Variants in RANBP2 observed in about 807,000 individuals in gnomAD.
RANBP2 encodes the protein E3 SUMO-protein ligase RanBP2.
A neutral mutation model predicts 303.6 loss-of-function variants in RANBP2; 57 were observed. The observed-to-expected ratio is 0.19, with a 90% CI of 0.15 to 0.23. The LOEUF is 0.23. RANBP2 is among the 10% of genes least tolerant of loss of function. RANBP2 has a pLI of 1.00. For missense variants in RANBP2, 3,138 were observed against 3,780.8 expected (o/e 0.83, Z 4.46); for synonymous variants, 1,167 against 1,301.5 (o/e 0.90, Z 2.23).
At chr2:109,612,300 A>G in the RANBP2 span, among the ~76,000 whole-genome samples, 4 of 152,332 alleles carry the variant, frequency 2.6e-5, no homozygotes, top group Non-Finnish European at 5.9e-5. Flanking sequence ...TGGGGTTAAG[A>G]AGGAGGCAGG....
At chr2:109,490,028 G>A in the RANBP2 span, among the ~76,000 whole-genome samples, 20 of 152,150 alleles carry the variant, frequency 1.3e-4, no homozygotes, top group East Asian at 1.2e-3. Context: ...ATGAGCCACC[G>A]TGCCCAGCCT....
At chr2:108,926,944 G>A in the RANBP2 span, among the ~76,000 whole-genome samples, 1 of 152,222 alleles carries the variant, frequency 6.6e-6, no homozygotes, top group Admixed American at 6.5e-5. Flanking sequence ...AGCCTCGTAA[G>A]AGGAAGTGGG....
the RANBP2 span, among the ~76,000 whole-genome samples, chr2:109,690,512 C>A: frequency 2.0e-5 from 3 of 152,174 alleles, no homozygotes; most frequent in Admixed American, 2.0e-4. Context: ...TCCCATTTAG[C>A]TTAGTGATTT....
At chr2:109,050,247 C>A in the RANBP2 span, among the ~76,000 whole-genome samples, 1 of 151,784 alleles carries the variant, frequency 6.6e-6, no homozygotes, top group African/African-American at 2.4e-5. Flanking sequence ...ATTAATTTTA[C>A]CTGTTTCTTT....
At chr2:109,625,978 T>G in the RANBP2 span, among the ~76,000 whole-genome samples, 50 of 152,300 alleles carry the variant, frequency 3.3e-4, 2 homozygotes, top group South Asian at 9.6e-3. Flanking sequence ...AAAATTAGAA[T>G]GAAACATAGC....
At chr2:109,339,325 T>C in the RANBP2 span, among the ~76,000 whole-genome samples, 1 of 152,214 alleles carries the variant, frequency 6.6e-6, no homozygotes, top group South Asian at 2.1e-4. Flanking sequence ...GAAAAATGTA[T>C]ATATAGTAAG....
the RANBP2 span, among the ~76,000 whole-genome samples, chr2:109,292,596 T>C: frequency 6.6e-6 from 1 of 152,358 alleles, no homozygotes; most frequent in Non-Finnish European, 1.5e-5. Flanking sequence ...TTCCCTGATT[T>C]CTATTTTGGG....
the RANBP2 span, among the ~76,000 whole-genome samples, chr2:109,718,883 G>T: frequency 1.3e-5 from 2 of 151,402 alleles, no homozygotes; most frequent in African/African-American, 4.9e-5. Flanking sequence ...GGTGGCACAT[G>T]CCTGTAATCC....
chr2:109,542,763 C>A, the RANBP2 span, among the ~76,000 whole-genome samples: 8 of 152,132 alleles, frequency 5.3e-5, no homozygotes, highest in African/African-American at 1.7e-4. Flanking sequence ...CTGTGAATTT[C>A]AAATGCAAAA....
At chr2:108,883,222 T>A in the RANBP2 span, 1 of 152,202 alleles carries the variant, frequency 6.6e-6, no homozygotes, top group Non-Finnish European at 1.5e-5. Flanking sequence ...TTTATACAAA[T>A]CCCTGAAAAT....
Position 108,765,173 on chromosome 2 carries a change from G to T in RANBP2, c.4634G>T (p.Gly1545Val). 2 of 1,614,170 alleles carry T rather than the reference G, an allele frequency of 1.2e-6. No homozygotes were observed. Among genetic ancestry groups the T allele is most frequent in the Non-Finnish European group, 1.7e-6 (2 of 1,180,000 alleles). The change falls in exon 20 of 29, where the codon GGA (glycine) becomes GTA (valine). Residue 1545 changes from glycine to valine, a missense_variant. Transcript: ENST00000283195. ...GAAGACATGTTTGCTAAGAAGGAAG[G>T]ACAGTGGGATTGCAGTTCATGCTTA... Reference protein sequence around the residue: ...GFEDMFAKKEGQWDCSSCLVR... With the variant: ...GFEDMFAKKEVQWDCSSCLVR...
At chr2:109,580,936 T>A in the RANBP2 span, among the ~76,000 whole-genome samples, 1 of 152,084 alleles carries the variant, frequency 6.6e-6, no homozygotes, top group African/African-American at 2.4e-5. Context: ...AAAAGCAACA[T>A]CTGTAGGTTG....
chr2:109,419,317 G>A, the RANBP2 span, among the ~76,000 whole-genome samples: 11 of 152,174 alleles, frequency 7.2e-5, no homozygotes, highest in African/African-American at 2.4e-4. Flanking sequence ...AAGGCTCCCT[G>A]AGCTGCTGGG....
chr2:108,772,163 C>G (rs764883538), intron 21 of RANBP2, among the ~76,000 whole-genome samples: 1 of 152,100 alleles, frequency 6.6e-6, no homozygotes, highest in Non-Finnish European at 1.5e-5. Flanking sequence ...AGAGAGAAGG[C>G]GGACAAGGTT....
chr2:109,710,376 T>C, the RANBP2 span, among the ~76,000 whole-genome samples: 1 of 49,504 alleles, frequency 2.0e-5, no homozygotes, highest in Non-Finnish European at 4.3e-5. Flanking sequence ...AGCGAGATTC[T>C]ATCTCAAAAA....
chr2:108,930,811 C>T, the RANBP2 span, among the ~76,000 whole-genome samples: 1 of 152,220 alleles, frequency 6.6e-6, no homozygotes, highest in African/African-American at 2.4e-5. Context: ...GAGTTCTGTG[C>T]TTTGCAGGCC....
the RANBP2 span, among the ~76,000 whole-genome samples, chr2:109,721,629 C>T: frequency 6.6e-6 from 1 of 152,202 alleles, no homozygotes; most frequent in Non-Finnish European, 1.5e-5. Context: ...GTGGCTGTTT[C>T]GGTCTTCCAA....
At chr2:109,334,387 A>C in the RANBP2 span, among the ~76,000 whole-genome samples, 1 of 151,968 alleles carries the variant, frequency 6.6e-6, no homozygotes, top group African/African-American at 2.4e-5. Context: ...ATCTTAAAAA[A>C]AAATAAAGAC....
At chr2:109,239,156 G>A in the RANBP2 span, among the ~76,000 whole-genome samples, 356 of 152,164 alleles carry the variant, frequency 2.3e-3, 3 homozygotes, top group Middle Eastern at 0.02. Context: ...AGCACTTTGA[G>A]CTTCCCCAGA....
Sources: gnomAD v4.1 joint callset for allele counts (sites outside exome capture counted in the v4.1 genomes callset) on GRCh38, gnomAD v4.1.1 for gene constraint, MANE v1.5 for transcripts, NCBI Gene and HGNC (gene_info 2026-07-23, HGNC 2026-07-21) for gene names.